DLGAP2: variants seen among roughly 807,000 people sequenced by gnomAD.
The protein encoded by DLGAP2 is DLG associated protein 2.
In DLGAP2, 26 loss-of-function variants were observed where a neutral mutation model predicts 100.3. That is an observed-to-expected ratio of 0.26 (90% CI 0.19 to 0.36). The LOEUF is 0.36. Ranked by LOEUF, DLGAP2 falls within the 10% of genes least tolerant of loss-of-function variation. The pLI, the probability that DLGAP2 is intolerant of heterozygous loss-of-function variation, is 1.00. For missense variants in DLGAP2, 1,858 were observed against 1,453.2 expected (o/e 1.28, Z -4.53); for synonymous variants, 886 against 630.1 (o/e 1.41, Z -6.08).
chr8:1,130,287 G>A (rs1796262622), intron 2 of DLGAP2, among the ~76,000 whole-genome samples: 1 of 152,122 alleles, frequency 6.6e-6, no homozygotes, highest in Non-Finnish European at 1.5e-5. Context: ...TTGATGGGAA[G>A]TTTAGTGTTC....
intron 2 of DLGAP2, among the ~76,000 whole-genome samples, chr8:1,172,230 G>C (rs191459240): frequency 6.6e-6 from 1 of 152,142 alleles, no homozygotes; most frequent in Non-Finnish European, 1.5e-5. Context: ...CTTCTGGCTT[G>C]TAGAGTTTCT....
rs540561979 is a variant in DLGAP2, at chr8:1,157,441, A to C, written c.74-101410A>C. On this transcript the variant is annotated intron_variant, in intron 2 of 14. Transcript: ENST00000637795. ...ATCATAATTAGAAACCAAATTTTGCAATGTTTTTCATTCCCTTTCAGTCTA... is the reference window on the plus strand; with the variant it reads ...ATCATAATTAGAAACCAAATTTTGCCATGTTTTTCATTCCCTTTCAGTCTA... Among the ~76,000 whole-genome samples, 7 of 152,188 alleles carry C rather than the reference A, an allele frequency of 4.6e-5. No individual in the cohort carries two copies. In the South Asian group the frequency reaches 1.2e-3, roughly 27 times the overall value.
At chr8:1,697,623 G>T (rs1417432067) in intron 14 of DLGAP2, among the ~76,000 whole-genome samples, 1 of 152,202 alleles carries the variant, frequency 6.6e-6, no homozygotes. Flanking sequence ...CCTGACAGGG[G>T]TCTCACCTAT....
intron 1 of DLGAP2, among the ~76,000 whole-genome samples, chr8:774,603 G>C (rs1821459791): frequency 1.3e-5 from 2 of 149,998 alleles, no homozygotes; most frequent in African/African-American, 2.4e-5. Flanking sequence ...TATTAAATAG[G>C]GAATCCTTTC....
chr8:1,576,131 T>C (rs1424488622), intron 6 of DLGAP2, among the ~76,000 whole-genome samples: 2 of 152,188 alleles, frequency 1.3e-5, no homozygotes, highest in African/African-American at 4.8e-5. Context: ...CAGCACCTGT[T>C]GTTTCCTGAC....
chr8:768,745 C>A (rs534823914), intron 1 of DLGAP2, among the ~76,000 whole-genome samples: 1 of 152,220 alleles, frequency 6.6e-6, no homozygotes. Context: ...GAGCCCACAC[C>A]TCCTGGTGCA....
chr8:1,459,882 C>T (rs1245923288), intron 3 of DLGAP2, among the ~76,000 whole-genome samples: 1 of 152,072 alleles, frequency 6.6e-6, no homozygotes, highest in East Asian at 1.9e-4. Context: ...GACAGGGTTT[C>T]ACCATGTTGG....
chr8:1,631,772 T>G (rs1320126706), intron 7 of DLGAP2, among the ~76,000 whole-genome samples: 1 of 152,214 alleles, frequency 6.6e-6, no homozygotes, highest in Middle Eastern at 3.2e-3. Context: ...AGGCCGTCCT[T>G]CCAGCACGTA....
chr8:916,011 C>A (rs576095031), intron 2 of DLGAP2, among the ~76,000 whole-genome samples: 11 of 151,384 alleles, frequency 7.3e-5, no homozygotes, highest in African/African-American at 2.7e-4. Flanking sequence ...TGTGTGTTAA[C>A]CATGAGTCCT....
At chr8:1,429,510 G>A (rs1797346979) in intron 3 of DLGAP2, among the ~76,000 whole-genome samples, 1 of 152,222 alleles carries the variant, frequency 6.6e-6, no homozygotes, top group Non-Finnish European at 1.5e-5. Context: ...ACGTGCTGAT[G>A]GTGTGTAAGC....
chr8:775,416 C>G (rs1017647595), intron 1 of DLGAP2, among the ~76,000 whole-genome samples: 2 of 145,786 alleles, frequency 1.4e-5, no homozygotes, highest in African/African-American at 5.1e-5. Flanking sequence ...GAGGGCATCC[C>G]TGTCTTGTGC....
At chr8:1,227,496 C>CTT (rs1798446315) in intron 2 of DLGAP2, among the ~76,000 whole-genome samples, 1 of 148,776 alleles carries the variant, frequency 6.7e-6, no homozygotes, top group East Asian at 2.1e-4. Context: ...TGCTTCTTTT[C>CTT]TTTTCTTTTT....
chr8:802,216 AT>A (rs1796181574), intron 1 of DLGAP2, among the ~76,000 whole-genome samples: 1 of 26,446 alleles, frequency 3.8e-5, no homozygotes, highest in Non-Finnish European at 9.2e-5. Context: ...TGGGCCCTCC[AT>A]CCTCATGGCC....
intron 2 of DLGAP2, among the ~76,000 whole-genome samples, chr8:1,084,664 G>C (rs988015858): frequency 3.3e-5 from 5 of 152,212 alleles, no homozygotes; most frequent in African/African-American, 9.6e-5. Flanking sequence ...CAGTTAGCGT[G>C]ATATCCTCCC....
chr8:1,693,058 T>A (rs986353709), intron 13 of DLGAP2, among the ~76,000 whole-genome samples: 1 of 148,136 alleles, frequency 6.8e-6, no homozygotes, highest in Admixed American at 6.8e-5. Context: ...TATATAGGTG[T>A]ATTTATATAT....
At chr8:958,080 T>C (rs900097454) in intron 2 of DLGAP2, among the ~76,000 whole-genome samples, 3 of 152,172 alleles carry the variant, frequency 2.0e-5, no homozygotes, top group African/African-American at 7.2e-5. Context: ...GTTCATTCTT[T>C]CTGTGTCTAT....
At chr8:1,198,540 G>A (rs1257661169) in intron 2 of DLGAP2, among the ~76,000 whole-genome samples, 2 of 152,084 alleles carry the variant, frequency 1.3e-5, no homozygotes, top group East Asian at 3.9e-4. Context: ...GCTGCGAGGA[G>A]GGCACTCATG....
At chr8:933,548 AGGGTGAGGG>A (rs1281063598) in intron 2 of DLGAP2, among the ~76,000 whole-genome samples, 2 of 98,412 alleles carry the variant, frequency 2.0e-5, no homozygotes, top group African/African-American at 8.7e-5. Context: ...GCATGAGGGG[AGGGTGAGGG>A]CAGAGCCTGC....
chr8:877,537 C>G (rs1797707578), intron 1 of DLGAP2, among the ~76,000 whole-genome samples: 2 of 152,192 alleles, frequency 1.3e-5, no homozygotes, highest in Non-Finnish European at 2.9e-5. Context: ...CAATTGTGGG[C>G]ATACATTGCT....
Sources: gnomAD v4.1 joint callset for allele counts (sites outside exome capture counted in the v4.1 genomes callset) on GRCh38, gnomAD v4.1.1 for gene constraint, MANE v1.5 for transcripts, NCBI Gene and HGNC (gene_info 2026-07-23, HGNC 2026-07-21) for gene names.